CERT1: variants seen among roughly 807,000 people sequenced by gnomAD.
CERT1 encodes ceramide transporter 1, also known as ceramide transfer protein.
In CERT1, 31 loss-of-function variants were observed where a neutral mutation model predicts 87.9. The observed-to-expected ratio is 0.35, with a 90% CI of 0.27 to 0.48. CERT1 has a LOEUF of 0.48. Among genes scored for constraint, CERT1 ranks in the 20% least tolerant of loss-of-function variants. CERT1 has a pLI of 0.99. For synonymous variants in CERT1, 289 were observed against 250.9 expected, an observed-to-expected ratio of 1.15 and a Z score of -1.44; for missense variants, 487 against 758.0, an observed-to-expected ratio of 0.64 and a Z score of 4.20.
intron 11 of CERT1, among the ~76,000 whole-genome samples, chr5:75,398,776 T>C (rs1442534128): frequency 6.6e-6 from 1 of 152,178 alleles, no homozygotes; most frequent in Non-Finnish European, 1.5e-5. Context: ...ATTTAGCATA[T>C]GAACAGAAAT....
rs764292989 is a variant in CERT1 at position 75,459,107 on chromosome 5, T to C, written c.306A>G (p.Pro102=). Residue 102 remains proline, a synonymous_variant, in exon 3 of 17, where the codon CCA becomes CCG. Transcript: ENST00000643780. ...DSVWYLRAQD[P]DHRQQWIDAI... is the part of the protein sequence containing the mutation. The stretch of plus-strand genomic sequence containing the variant: ...CATCTATCCATTGCTGTCTATGATC[T>C]GGATCCTGAGCACGAAGATACCAAA... The C allele has an allele frequency of 2.5e-5, 40 of 1,612,784 alleles. No individual in the cohort carries two copies. Among genetic ancestry groups the C allele is most frequent in the Non-Finnish European group, 3.3e-5 (39 of 1,178,918 alleles).
chr5:75,400,273 G>A lies in CERT1; in HGVS notation c.1042C>T (p.His348Tyr). The A allele has an allele frequency of 6.2e-7, 1 of 1,613,210 alleles. No homozygotes were observed. Among genetic ancestry groups the A allele is most frequent in the Non-Finnish European group, 8.5e-7 (1 of 1,179,192 alleles). The part of the protein sequence containing the change: ...EQSQSEKVRL[H>Y]WPTSLPSGDA... ...CCAGAGGGCAAGGATGTAGGCCAAT[G>A]TAATCTCACCTTTTCACTCTGTGAC... Residue 348 changes from histidine to tyrosine, a missense_variant, in exon 10 of 17, where the codon CAT (histidine) becomes TAT (tyrosine). Coordinates refer to ENST00000643780, the MANE Select transcript of CERT1 (RefSeq NM_001379029.1).
At chr5:75,375,876 G>C (rs1414419276), downstream of CERT1, 2 of 149,944 alleles carry the variant, frequency 1.3e-5, no homozygotes, top group Non-Finnish European at 3.0e-5. Flanking sequence ...TTACGTTACA[G>C]TAACAAAGAT....
intron 2 of CERT1, among the ~76,000 whole-genome samples, chr5:75,480,104 G>A (rs1396263148): frequency 6.6e-6 from 1 of 152,038 alleles, no homozygotes; most frequent in Non-Finnish European, 1.5e-5. Flanking sequence ...ACAACCCCTT[G>A]GCCCTTTGCT....
chr5:75,410,041 G>T (rs926509726), intron 8 of CERT1, among the ~76,000 whole-genome samples: 1 of 152,086 alleles, frequency 6.6e-6, no homozygotes, highest in African/African-American at 2.4e-5. Flanking sequence ...CTGGCCTCAA[G>T]CAATCCTCCT....
chr5:75,507,538 C>T (rs550616100), intron 1 of CERT1, among the ~76,000 whole-genome samples: 2 of 152,290 alleles, frequency 1.3e-5, no homozygotes, highest in Non-Finnish European at 2.9e-5. Flanking sequence ...TGTACCACCA[C>T]TTAGACACGG....
chr5:75,409,144 T>C (rs1019468326), intron 8 of CERT1, among the ~76,000 whole-genome samples: 2 of 152,284 alleles, frequency 1.3e-5, no homozygotes, highest in African/African-American at 4.8e-5. Context: ...AAAGTTGGTA[T>C]TTCTTCCAAA....
At chr5:75,455,133 C>A (rs1285496906) in intron 3 of CERT1, among the ~76,000 whole-genome samples, 7 of 152,180 alleles carry the variant, frequency 4.6e-5, no homozygotes, top group African/African-American at 1.7e-4. Context: ...ATGCCTACAG[C>A]CAGCACTGGT....
rs1314451377 is a variant in CERT1 at position 75,389,518 on chromosome 5, C to CAT, written c.1284+72_1284+73dup. 7 of 1,088,720 alleles carry CAT rather than the reference C, an allele frequency of 6.4e-6. No homozygotes were observed. In the Admixed American group the frequency reaches 1.2e-4, roughly 19 times the overall value. The allele number at this position is 1,088,720 out of a possible 1,614,324, so 67.4% of individuals were successfully genotyped here. ...GTAAGTTGAAAGTGCTATCCTTATT[C>CAT]ATATCAATAGTAATGATAATATGAC... On this transcript the variant is annotated intron_variant, in intron 12 of 16. Transcript: ENST00000643780.
chr5:75,439,882 T>A (rs1764250546), intron 3 of CERT1, among the ~76,000 whole-genome samples: 1 of 152,060 alleles, frequency 6.6e-6, no homozygotes, highest in South Asian at 2.1e-4. Context: ...CTCATTAATA[T>A]TAAAATTTAT....
At chr5:75,413,202 C>T (rs1763000691) in intron 7 of CERT1, among the ~76,000 whole-genome samples, 1 of 152,168 alleles carries the variant, frequency 6.6e-6, no homozygotes, top group Non-Finnish European at 1.5e-5. Flanking sequence ...AGGAATTATT[C>T]AGCTCCATTA....
At chr5:75,442,027 AG>A (rs1561266089) in intron 3 of CERT1, among the ~76,000 whole-genome samples, 4 of 152,296 alleles carry the variant, frequency 2.6e-5, no homozygotes, top group South Asian at 4.1e-4. Context: ...ACAGGGCACA[AG>A]GGTTCCAATT....
intron 17 of CERT1, chr5:75,369,851 T>C (rs16872523): frequency 0.11 from 16,751 of 152,306 alleles, 2,339 homozygotes; most frequent in African/African-American, 0.33. Context: ...CTTATGGTAT[T>C]TGTGCAAGGC....
chr5:75,428,651 A>C (rs950750207), intron 3 of CERT1, among the ~76,000 whole-genome samples: 9 of 151,358 alleles, frequency 5.9e-5, no homozygotes, highest in Admixed American at 5.9e-4. Flanking sequence ...GCAGTCTGAC[A>C]TGGGTGAAAG....
intron 3 of CERT1, 90 bp from the exon 4 acceptor site, chr5:75,426,568 T>C: frequency 1.1e-6 from 1 of 896,052 alleles, no homozygotes; most frequent in Non-Finnish European, 1.8e-6. Flanking sequence ...AAGGTTATTA[T>C]AACAATTGGC....
chr5:75,441,552 A>G (rs757171729), intron 3 of CERT1, among the ~76,000 whole-genome samples: 2 of 152,126 alleles, frequency 1.3e-5, no homozygotes, highest in Non-Finnish European at 2.9e-5. Context: ...CTGAAACTCT[A>G]TACCCATTAA....
At chr5:75,368,755 C>T (rs1760979458) in intron 17 of CERT1, 2 of 152,258 alleles carry the variant, frequency 1.3e-5, no homozygotes, top group South Asian at 2.1e-4. Context: ...TAAGACACAT[C>T]GTTATAAAAG....
intron 16 of CERT1, among the ~76,000 whole-genome samples, chr5:75,379,966 T>C (rs1442666994): frequency 6.6e-6 from 1 of 152,184 alleles, no homozygotes; most frequent in Admixed American, 6.5e-5. Flanking sequence ...TAAGAAAGCA[T>C]CTATAACCTT....
chr5:75,406,934 A>C (rs1427762098), intron 8 of CERT1, among the ~76,000 whole-genome samples: 1 of 152,204 alleles, frequency 6.6e-6, no homozygotes, highest in East Asian at 1.9e-4. Flanking sequence ...CTTTTTTATA[A>C]TTAGAACATC....
Sources: allele counts gnomAD v4.1 joint callset (sites outside exome capture counted in the v4.1 genomes callset), GRCh38; gene constraint gnomAD v4.1.1; transcripts MANE v1.5; gene names NCBI Gene and HGNC (gene_info 2026-07-23, HGNC 2026-07-21).